The following CTBP1 variants were observed in gnomAD, a reference collection of about 807,000 sequenced individuals.
The protein encoded by CTBP1 is C-terminal binding protein 1.
CTBP1 carries 11 observed loss-of-function variants against 42.1 expected under a neutral mutation model. The ratio of observed to expected loss-of-function variants is 0.26; its 90% CI spans 0.16 to 0.43. CTBP1 has a LOEUF of 0.43. CTBP1 is among the 20% of genes least tolerant of loss of function. The pLI, the probability that CTBP1 is intolerant of heterozygous loss-of-function variation, is 1.00. For missense variants in CTBP1, 399 were observed against 624.3 expected (o/e 0.64, Z 3.85); for synonymous variants, 324 against 277.1 (o/e 1.17, Z -1.68).
chr4:1,213,391 C>G lies in CTBP1; in HGVS notation c.988+87G>C, dbSNP rs1032423475. 3.2e-6 allele frequency: 5 copies of G among 1,581,286 alleles called. No individual in the cohort carries two copies. The African/African-American group carries it at 6.7e-5, about 21-fold the overall frequency. ...GGCCCTGAGCTGGCAGAACATGGGCCTGGCTGCCAGGCGGATGCGAGCCCA... is the reference window on the plus strand; with the variant it reads ...GGCCCTGAGCTGGCAGAACATGGGCGTGGCTGCCAGGCGGATGCGAGCCCA... On this transcript the variant is annotated intron_variant, in intron 8 of 9. Transcript: ENST00000382952.
At chr4:1,244,956 T>C in intron 1 of CTBP1, 1 of 985,302 alleles carries the variant, frequency 1.0e-6, no homozygotes, top group Non-Finnish European at 1.2e-6. Flanking sequence ...CAGAGAAAAC[T>C]GAGGCCCTGC....
Position 1,238,297 on chromosome 4 carries a change from C to T in CTBP1, c.48G>A (p.Arg16=). 1 of 1,595,368 alleles carries T rather than the reference C, an allele frequency of 6.3e-7. No individual in the cohort carries two copies. The highest frequency in any genetic ancestry group is 1.3e-5 in the African/African-American group (1 of 74,640). The change falls in exon 3 of 10, where the codon CGG becomes CGA. Residue 16 remains arginine (R), a synonymous_variant. Coordinates refer to ENST00000382952, the MANE Select transcript of CTBP1 (RefSeq NM_001012614.2). The surrounding 1 kb of genome is among the most constrained non-coding windows in gnomAD (Gnocchi z 5.9). ...GGCCATCCAGCAATGCCACCAGGGG[C>T]CGCGGGTGCAGGGGCCCGTTCATGA... ...PPIMNGPLHP[R]PLVALLDGRD... is the part of the protein sequence containing the mutation.
intron 5 of CTBP1, among the ~76,000 whole-genome samples, chr4:1,222,036 C>A (rs1729794931): frequency 6.6e-6 from 1 of 152,210 alleles, no homozygotes; most frequent in African/African-American, 2.4e-5. Context: ...AGCCACCACA[C>A]ACGCGGATTC....
At chr4:1,249,761 G>GGA, upstream of CTBP1, 1 of 341,980 alleles carries the variant, frequency 2.9e-6, no homozygotes, top group Non-Finnish European at 6.0e-6. Flanking sequence ...GCCCGGCCCG[G>GGA]GAAGTTCAGG....
At chr4:1,212,536 C>T in intron 9 of CTBP1, 113 bp from the exon 10 acceptor site, 1 of 953,558 alleles carries the variant, frequency 1.0e-6, no homozygotes, top group Non-Finnish European at 1.5e-6. Flanking sequence ...GACCAGCAGT[C>T]AGGGTAAGGA....
chr4:1,246,458 T>C (rs906966632), intron 1 of CTBP1, among the ~76,000 whole-genome samples: 7 of 152,154 alleles, frequency 4.6e-5, no homozygotes, highest in Non-Finnish European at 4.4e-5. Context: ...ATTAAGTCCT[T>C]CTACAAGGAG....
At chr4:1,244,913 C>G (rs528244063) in intron 1 of CTBP1, 2 of 985,458 alleles carry the variant, frequency 2.0e-6, no homozygotes, top group East Asian at 1.1e-4. Context: ...TGACCCGGAG[C>G]CTTCCAGTCC....
chr4:1,242,532 G>A (rs1732285839), intron 1 of CTBP1: 9 of 985,088 alleles, frequency 9.1e-6, no homozygotes, highest in Middle Eastern at 5.2e-4. Context: ...AACTCCCTCT[G>A]CAGGATTCAA....
intron 1 of CTBP1, among the ~76,000 whole-genome samples, chr4:1,247,165 C>T (rs1199323334): frequency 1.3e-5 from 2 of 152,234 alleles, no homozygotes; most frequent in African/African-American, 2.4e-5. Flanking sequence ...CAACCACACG[C>T]CCACCTCTCA....
At chr4:1,213,692 G>A in intron 7 of CTBP1, 87 bp from the exon 8 acceptor site, 2 of 1,504,558 alleles carry the variant, frequency 1.3e-6, no homozygotes, top group Non-Finnish European at 1.8e-6. Context: ...AACCCCCTGT[G>A]GGGGGCCCTG....
chr4:1,248,248 G>A (rs563371556), intron 1 of CTBP1, among the ~76,000 whole-genome samples: 48 of 151,988 alleles, frequency 3.2e-4, no homozygotes, highest in African/African-American at 1.2e-3. Context: ...GCGCTGGGCC[G>A]GTCCGGGACC....
At chr4:1,221,871 G>A (rs147059070) in intron 5 of CTBP1, 15 of 415,518 alleles carry the variant, frequency 3.6e-5, no homozygotes, top group Middle Eastern at 3.4e-4. Context: ...AAGGAAGGAA[G>A]GAAGGGAAGG....
intron 2 of CTBP1, among the ~76,000 whole-genome samples, chr4:1,239,522 C>T (rs930734504): frequency 3.3e-5 from 5 of 152,236 alleles, no homozygotes; most frequent in South Asian, 2.1e-4. Context: ...CTGCCCCATC[C>T]GCCTGCAGGT....
intron 4 of CTBP1, 80 bp from the exon 5 acceptor site, chr4:1,225,646 C>T (rs772009111): frequency 1.4e-4 from 204 of 1,408,524 alleles, no homozygotes; most frequent in Non-Finnish European, 1.8e-4. Flanking sequence ...GTGACTGGAG[C>T]GGGTTTGAAG....
Position 1,224,996 on chromosome 4 carries a change from C to T in CTBP1, c.514+364G>A, listed in dbSNP as rs149547913. ...GTGTGAGGCTGTGTACTGTGACATC[C>T]GTGTGTTATCTATGTGCCCATGAAG... On this transcript the variant is annotated intron_variant, in intron 5 of 9. Coordinates refer to ENST00000382952, the MANE Select transcript of CTBP1 (RefSeq NM_001012614.2). 2.2e-4 allele frequency among the ~76,000 whole-genome samples: 33 copies of T among 150,622 alleles called. 1 individual carries two copies. The East Asian group carries it at 4.0e-3, about 18-fold the overall frequency.
Position 1,235,508 on chromosome 4 carries a change from T to C in CTBP1, c.162+2675A>G, listed in dbSNP as rs1021743801. ...TCTCCCGCGTTCTCTCCTTCCCTCC[T>C]GTCCGCTGCCGCCTGGTCAGCTGGT... On this transcript the variant is annotated intron_variant, in intron 3 of 9. Coordinates refer to ENST00000382952, the MANE Select transcript of CTBP1 (RefSeq NM_001012614.2). This position sits in a 1 kb window ranked among gnomAD's most constrained non-coding sequence, Gnocchi z 4.2. The C allele has an allele frequency of 6.6e-6, 1 of 152,246 alleles. No homozygotes were observed. The highest frequency in any genetic ancestry group is 1.5e-5 in the Non-Finnish European group (1 of 68,060). The allele number at this position is 152,246 out of a possible 1,614,324, so 9.4% of individuals were successfully genotyped here.
intron 1 of CTBP1, chr4:1,242,360 C>T: frequency 1.0e-6 from 1 of 985,392 alleles, no homozygotes; most frequent in Non-Finnish European, 1.2e-6. Flanking sequence ...TCAGGCTGAC[C>T]AGGACAGGAG....
chr4:1,218,431 C>T (rs902231863), intron 5 of CTBP1: 4 of 151,356 alleles, frequency 2.6e-5, no homozygotes, highest in Non-Finnish European at 5.9e-5. Context: ...AACACATTTT[C>T]GGACAAAGAA....
At chr4:1,224,210 G>A (rs76572259) in intron 5 of CTBP1, among the ~76,000 whole-genome samples, 1 of 152,360 alleles carries the variant, frequency 6.6e-6, no homozygotes, top group East Asian at 1.9e-4. Flanking sequence ...GTCCATGTGA[G>A]GTCATGTGTA....
Sources: allele counts gnomAD v4.1 joint callset (sites outside exome capture counted in the v4.1 genomes callset), GRCh38; gene constraint gnomAD v4.1.1; non-coding constraint Gnocchi (gnomAD v3.1); transcripts MANE v1.5; gene names NCBI Gene and HGNC (gene_info 2026-07-23, HGNC 2026-07-21).